ZNF469: variants seen among roughly 807,000 people sequenced by gnomAD.
ZNF469 encodes the protein zinc finger protein 469.
ZNF469 carries 1 observed loss-of-function variant against 1.0 expected under a neutral mutation model. That is an observed-to-expected ratio of 1.00 (90% CI 0.35 to 4.73). The LOEUF (loss-of-function observed/expected upper bound fraction) is 4.73. Ranked by LOEUF, ZNF469 falls within the 30% of genes most tolerant of loss-of-function variation. ZNF469 has a pLI of 0.16. For missense variants in ZNF469, 6,100 were observed against 5,356.3 expected (o/e 1.14, Z -4.33); for synonymous variants, 2,703 against 2,363.4 (o/e 1.14, Z -4.17).
chr16:88,405,768 G>T (rs1905012124), intron 1 of ZNF469, among the ~76,000 whole-genome samples: 1 of 152,206 alleles, frequency 6.6e-6, no homozygotes, highest in South Asian at 2.1e-4. Context: ...GTCTGTCCCG[G>T]TCATAGCCCG....
chr16:88,426,580 G>A lies in ZNF469; in HGVS notation c.-126-765G>A, dbSNP rs565998139. ...TCTGGCATGTGCCAGAATGGGAGCC[G>A]GCACCGTCTGGAGGCTGGGGGCTTC... On this transcript the variant is annotated intron_variant, in intron 2 of 2. Transcript: ENST00000565624. 7.2e-5 allele frequency among the ~76,000 whole-genome samples: 11 copies of A among 152,388 alleles called. No homozygotes were observed. The East Asian group carries it at 1.7e-3, about 24-fold the overall frequency.
the ZNF469 span, among the ~76,000 whole-genome samples, chr16:88,188,762 C>T: frequency 1.3e-5 from 2 of 152,132 alleles, no homozygotes; most frequent in South Asian, 4.1e-4. Context: ...AAATGCAGAC[C>T]CTCCCCCTGC....
the ZNF469 span, among the ~76,000 whole-genome samples, chr16:88,284,039 C>T: frequency 1.0e-5 from 1 of 95,938 alleles, no homozygotes; most frequent in African/African-American, 5.0e-5. Flanking sequence ...TCCGGAGTGC[C>T]TGAGGTCTGT....
the ZNF469 span, among the ~76,000 whole-genome samples, chr16:88,202,376 G>C: frequency 6.6e-6 from 1 of 152,172 alleles, no homozygotes; most frequent in Non-Finnish European, 1.5e-5. Context: ...TGAGGCTCTG[G>C]CTGTCCTGCC....
At chr16:88,145,040 G>C in the ZNF469 span, among the ~76,000 whole-genome samples, 1 of 151,892 alleles carries the variant, frequency 6.6e-6, no homozygotes, top group East Asian at 1.9e-4. Flanking sequence ...AGTAGAGACA[G>C]GGTTTCACCA....
chr16:88,413,668 C>T (rs1221287250), intron 1 of ZNF469, among the ~76,000 whole-genome samples: 2 of 152,310 alleles, frequency 1.3e-5, no homozygotes, highest in East Asian at 3.9e-4. Flanking sequence ...TCTAGCTGGG[C>T]GTTGAACTCG....
chr16:88,355,087 G>T, the ZNF469 span, among the ~76,000 whole-genome samples: 1 of 152,140 alleles, frequency 6.6e-6, no homozygotes, highest in African/African-American at 2.4e-5. Context: ...CCTGGGGAGG[G>T]TGGGCAGGGG....
chr16:88,127,205 C>A, the ZNF469 span, among the ~76,000 whole-genome samples: 5,710 of 152,086 alleles, frequency 0.038, 362 homozygotes, highest in African/African-American at 0.13. Context: ...TCTGCTGTTG[C>A]CTGCAGGTTC....
chr16:88,326,789 G>A, the ZNF469 span, among the ~76,000 whole-genome samples: 4 of 152,194 alleles, frequency 2.6e-5, no homozygotes, highest in African/African-American at 9.7e-5. Flanking sequence ...CCCTGGCCAG[G>A]GCAGCACTCG....
the ZNF469 span, among the ~76,000 whole-genome samples, chr16:88,360,103 C>T: frequency 2.6e-5 from 4 of 152,290 alleles, no homozygotes; most frequent in East Asian, 5.8e-4. Context: ...ATGCACCCAC[C>T]TCGGCCTCCC....
intron 1 of ZNF469, among the ~76,000 whole-genome samples, chr16:88,394,993 C>T (rs1417992354): frequency 1.3e-5 from 2 of 152,384 alleles, no homozygotes; most frequent in East Asian, 3.9e-4. Flanking sequence ...AGCCTCTCCA[C>T]TCTGGGATCT....
the ZNF469 span, among the ~76,000 whole-genome samples, chr16:88,181,350 G>A: frequency 5.3e-5 from 8 of 152,196 alleles, no homozygotes; most frequent in South Asian, 2.1e-4. Flanking sequence ...GATGACAGGC[G>A]TGAGCCACCA....
Position 88,434,413 on chromosome 16 carries a change from C to T in ZNF469, c.6943C>T (p.Pro2315Ser). 1 of 1,549,758 alleles carries T rather than the reference C, an allele frequency of 6.5e-7. No homozygotes were observed. The highest frequency in any genetic ancestry group is 8.7e-7 in the Non-Finnish European group (1 of 1,146,942). Residue 2315 changes from proline (P) to serine (S), a missense_variant, in exon 3 of 3, where the codon CCC becomes TCC. By Grantham distance (74) the Pro-to-Ser change is moderately conservative. Transcript: ENST00000565624. ...GPDPQSRGAP[P>S]HTNPDRMPRG... ...AGACCCCCAGAGCAGGGGAGCCCCG[C>T]CCCACACCAACCCTGACAGGATGCC...
At chr16:88,342,145 G>T in the ZNF469 span, among the ~76,000 whole-genome samples, 2 of 152,244 alleles carry the variant, frequency 1.3e-5, no homozygotes, top group African/African-American at 2.4e-5. Flanking sequence ...GCTGCGACAG[G>T]GGTCTCCAGC....
chr16:88,135,483 C>T, the ZNF469 span, among the ~76,000 whole-genome samples: 3 of 152,218 alleles, frequency 2.0e-5, no homozygotes, highest in Non-Finnish European at 2.9e-5. Flanking sequence ...GGCTGCTTCC[C>T]GGGCAGGGGC....
intron 1 of ZNF469, among the ~76,000 whole-genome samples, chr16:88,406,625 A>C (rs1008200210): frequency 6.6e-6 from 1 of 152,202 alleles, no homozygotes; most frequent in Non-Finnish European, 1.5e-5. Flanking sequence ...GGAGAGGGGC[A>C]GCTGACCCCA....
At chr16:88,209,218 C>T in the ZNF469 span, among the ~76,000 whole-genome samples, 3 of 152,156 alleles carry the variant, frequency 2.0e-5, no homozygotes, top group Admixed American at 1.3e-4. Flanking sequence ...AACACTGTCC[C>T]TCACCTCCTG....
At chr16:88,193,000 GT>G in the ZNF469 span, among the ~76,000 whole-genome samples, 186 of 134,582 alleles carry the variant, frequency 1.4e-3, no homozygotes, top group South Asian at 2.3e-3. Flanking sequence ...GGTGGTGGTG[GT>G]GATGGTGGTG....
chr16:88,354,625 C>T, the ZNF469 span, among the ~76,000 whole-genome samples: 554 of 18,162 alleles, frequency 0.031, 4 homozygotes, highest in Non-Finnish European at 0.063. Flanking sequence ...CTTCTCACCG[C>T]GCCCGGCCCC....
Sources: gnomAD v4.1 joint callset for allele counts (sites outside exome capture counted in the v4.1 genomes callset) on GRCh38, gnomAD v4.1.1 for gene constraint, MANE v1.5 for transcripts, NCBI Gene and HGNC (gene_info 2026-07-23, HGNC 2026-07-21) for gene names.